Variants in PLEKHG4B observed in about 807,000 individuals in gnomAD.
The protein encoded by PLEKHG4B is pleckstrin homology domain-containing family G member 4B.
A neutral mutation model predicts 121.3 loss-of-function variants in PLEKHG4B; 111 were observed. The ratio of observed to expected loss-of-function variants is 0.92; its 90% CI spans 0.78 to 1.07. The LOEUF (loss-of-function observed/expected upper bound fraction) is 1.07. Among genes scored for constraint, PLEKHG4B ranks in the 50% least tolerant of loss-of-function variants. The pLI is 0.00. For missense variants in PLEKHG4B, 1,831 were observed against 1,757.8 expected, an observed-to-expected ratio of 1.04 and a Z score of -0.74; for synonymous variants, 738 against 725.0, an observed-to-expected ratio of 1.02 and a Z score of -0.29.
In PLEKHG4B at chr5:117,278, G is replaced by C. The variant is rs1018449270; in HGVS notation, c.243+3830G>C. ...AAAATGCATTTACCTTAACTGCTAT[G>C]AATAGATGAATATAAACAGTTGATA... On this transcript the variant is annotated intron_variant, in intron 2 of 19. Transcript: ENST00000637938. 9.9e-5 allele frequency among the ~76,000 whole-genome samples: 15 copies of C among 152,244 alleles called. 1 individual carries two copies. In the East Asian group the frequency reaches 1.7e-3, roughly 18 times the overall value.
Position 140,202 on chromosome 5 carries a change from C to G in PLEKHG4B, c.963C>G (p.Pro321=), listed in dbSNP as rs1735113621. ...RPDPMDQEDR[P]KALTFHTDLG... Reference sequence around the variant, plus strand: ...ACCCCATGGACCAGGAGGACAGACCCAAGGCCCTCACCTTCCACACAGACC... The same window carrying G: ...ACCCCATGGACCAGGAGGACAGACCGAAGGCCCTCACCTTCCACACAGACC... The change falls in exon 3 of 20, where the codon CCC becomes CCG. Residue 321 remains proline (P), a synonymous_variant. Transcript: ENST00000637938. 2 of 1,246,234 alleles carry G rather than the reference C, an allele frequency of 1.6e-6. No homozygotes were observed. The highest frequency in any genetic ancestry group is 2.2e-6 in the Non-Finnish European group (2 of 917,216). 77.2% of individuals were successfully genotyped at this position (1,246,234 alleles called of 1,614,324 possible). A position where few individuals can be genotyped will look rare whatever the true frequency, so the allele number is the denominator to read the frequency against.
chr5:181,116 T>G (rs1736917965), intron 18 of PLEKHG4B, among the ~76,000 whole-genome samples: 1 of 152,206 alleles, frequency 6.6e-6, no homozygotes, highest in Non-Finnish European at 1.5e-5. Context: ...CCTCTCAATA[T>G]TCAAACTCCT....
At chr5:115,195 A>C (rs1328562794) in intron 2 of PLEKHG4B, among the ~76,000 whole-genome samples, 1 of 152,242 alleles carries the variant, frequency 6.6e-6, no homozygotes, top group Non-Finnish European at 1.5e-5. Flanking sequence ...CTGCTTGTAC[A>C]TCTTCATCAG....
At chr5:134,788 A>T (rs1346421193) in intron 2 of PLEKHG4B, among the ~76,000 whole-genome samples, 2 of 151,696 alleles carry the variant, frequency 1.3e-5, no homozygotes, top group Non-Finnish European at 2.9e-5. Flanking sequence ...AAAAGAAAAG[A>T]AAAGTAAAAC....
At chr5:164,967 GACGGGGCGGAGCTCACACTA>G (rs1295944477) in intron 13 of PLEKHG4B, among the ~76,000 whole-genome samples, 5 of 59,386 alleles carry the variant, frequency 8.4e-5, no homozygotes, top group Non-Finnish European at 1.6e-4. Context: ...CTAATGCTCT[GACGGGGCGGAGCTCACACTA>G]ATGCTCTGAC....
intron 1 of PLEKHG4B, among the ~76,000 whole-genome samples, chr5:103,566 G>C (rs1428153235): frequency 1.3e-5 from 2 of 152,166 alleles, no homozygotes; most frequent in African/African-American, 2.4e-5. Flanking sequence ...ATTCCTGCCA[G>C]ATCCTTTTCT....
intron 3 of PLEKHG4B, among the ~76,000 whole-genome samples, chr5:142,620 CCACA>C (rs1240818643): frequency 4.0e-5 from 6 of 151,852 alleles, no homozygotes; most frequent in South Asian, 4.1e-4. Flanking sequence ...GTTCCACATA[CCACA>C]CACACAATCA....
rs373340240 is a variant in PLEKHG4B at position 171,129 on chromosome 5, C to T, written c.3816C>T (p.Phe1272=). The change falls in exon 15 of 20, where the codon TTC becomes TTT. Residue 1272 remains phenylalanine (F), a synonymous_variant. Coordinates refer to ENST00000637938, the MANE Select transcript of PLEKHG4B (RefSeq NM_052909.5). The part of the protein sequence containing the change: ...ALLSSHGNAF[F]KDKQRELGDK... Reference sequence around the variant, plus strand: ...TCAGCAGCCATGGCAACGCCTTCTTCAAGGTCATCCCCCTCGGCCCGCCCC... The same window carrying T: ...TCAGCAGCCATGGCAACGCCTTCTTTAAGGTCATCCCCCTCGGCCCGCCCC... 8 of 1,612,974 alleles carry T rather than the reference C, an allele frequency of 5.0e-6. No homozygotes were observed. The African/African-American group carries it at 8.0e-5, about 16-fold the overall frequency.
At chr5:123,335 A>G (rs1402314499) in intron 2 of PLEKHG4B, among the ~76,000 whole-genome samples, 1 of 152,196 alleles carries the variant, frequency 6.6e-6, no homozygotes, top group Non-Finnish European at 1.5e-5. Context: ...TACAATGTCC[A>G]TAAGGGATAT....
rs34027630 is a variant in PLEKHG4B, at chr5:106,690, G to A, written c.46-6561G>A. Among the ~76,000 whole-genome samples the A allele has an allele frequency of 4.8e-3, 725 of 152,352 alleles. 8 individuals are homozygous for A. Among genetic ancestry groups the A allele is most frequent in the African/African-American group, 0.017 (688 of 41,582 alleles). On this transcript the variant is annotated intron_variant, in intron 1 of 19. Coordinates refer to ENST00000637938, the MANE Select transcript of PLEKHG4B (RefSeq NM_052909.5). ...AGTGGCTCCCCCTGCAGCAGGGTGA[G>A]GGCTGAGAGCAGACGTAGGTGTTGA...
At chr5:94,591 G>A (rs548482228) in intron 1 of PLEKHG4B, among the ~76,000 whole-genome samples, 531 of 151,454 alleles carry the variant, frequency 3.5e-3, no homozygotes, top group Non-Finnish European at 5.7e-3. Context: ...TGAGTGGCTG[G>A]CGGGGCTGGA....
rs747697741 is a variant in PLEKHG4B, at chr5:171,399, T to C, written c.4005T>C (p.Arg1335=). 1.2e-6 allele frequency: 2 copies of C among 1,608,046 alleles called. No homozygotes were observed. Among genetic ancestry groups the C allele is most frequent in the Admixed American group, 3.3e-5 (2 of 59,964 alleles). ...AAEVVVCFQL[R]HGNDLLAMDA... ...AGGTCGTGGTCTGCTTCCAGCTGCG[T>C]CACGGCAATGACCTGCTGGCCATGG... is the stretch of plus-strand genomic sequence containing the variant. Residue 1335 remains arginine (R), a synonymous_variant, in exon 16 of 20, where the codon CGT becomes CGC. Coordinates refer to ENST00000637938, the MANE Select transcript of PLEKHG4B (RefSeq NM_052909.5).
rs919216649 is a variant in PLEKHG4B, at chr5:185,052, C to T, written c.*2729C>T. Reference sequence around the variant, plus strand: ...GTAAGCTAAAGATGTACTGATAAACCCTTGAAACACCCACTAACAAAGAAT... The same window carrying T: ...GTAAGCTAAAGATGTACTGATAAACTCTTGAAACACCCACTAACAAAGAAT... On this transcript the variant is annotated 3_prime_UTR_variant, in exon 20 of 20. Transcript: ENST00000637938. The T allele has an allele frequency of 2.6e-5, 4 of 152,088 alleles. No homozygotes were observed. The highest frequency in any genetic ancestry group is 5.9e-5 in the Non-Finnish European group (4 of 68,022). 9.4% of individuals were successfully genotyped at this position (152,088 alleles called of 1,614,324 possible). A position where few individuals can be genotyped will look rare whatever the true frequency, so the allele number is the denominator to read the frequency against.
chr5:111,932 C>T (rs1247975612), intron 1 of PLEKHG4B, among the ~76,000 whole-genome samples: 2 of 147,622 alleles, frequency 1.4e-5, no homozygotes, highest in Non-Finnish European at 3.0e-5. Flanking sequence ...TGAGACGGGC[C>T]CACTCATTCT....
intron 5 of PLEKHG4B, 38 bp from the exon 6 acceptor site, chr5:144,789 C>A: frequency 6.4e-7 from 1 of 1,559,242 alleles, no homozygotes; most frequent in Non-Finnish European, 8.8e-7. Flanking sequence ...AGAGATTTAA[C>A]CTTCAGTGGT....
chr5:161,863 C>T lies in PLEKHG4B; in HGVS notation c.2568C>T (p.Gly856=). 1 of 1,613,834 alleles carries T rather than the reference C, an allele frequency of 6.2e-7. No individual in the cohort carries two copies. Among genetic ancestry groups the T allele is most frequent in the Non-Finnish European group, 8.5e-7 (1 of 1,180,018 alleles). Residue 856 remains glycine (G), a synonymous_variant, in exon 12 of 20, where the codon GGC becomes GGT. Coordinates refer to ENST00000637938, the MANE Select transcript of PLEKHG4B (RefSeq NM_052909.5). ...TEEMVQDFRR[G]LSAVVSQAEC... ...AAATGGTCCAGGATTTCAGAAGGGG[C>T]CTGAGCGCCGTGGTCAGCCAGGCTG... is the stretch of plus-strand genomic sequence containing the variant.
chr5:147,359 C>T lies in PLEKHG4B; in HGVS notation c.1905+2439C>T, dbSNP rs116444222. On this transcript the variant is annotated intron_variant, in intron 6 of 19. Transcript: ENST00000637938. ...GCACCACAGCATGAGCATGAGCTGT[C>T]CCTGGTTGGGCACCTGGGCAGTGGT... 3.2e-3 allele frequency among the ~76,000 whole-genome samples: 484 copies of T among 152,288 alleles called. 4 individuals carry two copies. The highest frequency in any genetic ancestry group is 0.011 in the African/African-American group (464 of 41,550).
At chr5:115,822 T>G (rs1170443632) in intron 2 of PLEKHG4B, among the ~76,000 whole-genome samples, 1 of 152,252 alleles carries the variant, frequency 6.6e-6, no homozygotes, top group African/African-American at 2.4e-5. Context: ...TTCATCTGGG[T>G]TAGGCTTTGG....
chr5:106,161 G>C (rs1162736525), intron 1 of PLEKHG4B, among the ~76,000 whole-genome samples: 1 of 152,186 alleles, frequency 6.6e-6, no homozygotes, highest in Non-Finnish European at 1.5e-5. Context: ...CACACTTTTT[G>C]TTGAGGGCCT....
Sources: allele counts gnomAD v4.1 joint callset (sites outside exome capture counted in the v4.1 genomes callset), GRCh38; gene constraint gnomAD v4.1.1; transcripts MANE v1.5; gene names NCBI Gene and HGNC (gene_info 2026-07-23, HGNC 2026-07-21).